UBE2G1: variants seen among roughly 807,000 people sequenced by gnomAD.
UBE2G1 encodes ubiquitin-conjugating enzyme E2 G1.
A neutral mutation model predicts 22.7 loss-of-function variants in UBE2G1; 5 were observed. That is an observed-to-expected ratio of 0.22 (90% CI 0.12 to 0.46). The LOEUF is 0.46. Ranked by LOEUF, UBE2G1 falls within the 20% of genes least tolerant of loss-of-function variation. The pLI, the probability that UBE2G1 is intolerant of heterozygous loss-of-function variation, is 0.99. For missense variants in UBE2G1, 88 were observed against 203.9 expected (o/e 0.43, Z 3.46); for synonymous variants, 74 against 67.5 (o/e 1.10, Z -0.47).
At chr17:4,280,059 G>T (rs140231030) in intron 5 of UBE2G1, among the ~76,000 whole-genome samples, 2,237 of 142,072 alleles carry the variant, frequency 0.016, 33 homozygotes, top group Non-Finnish European at 0.022. Context: ...TTTTTGAGAT[G>T]AAGTCTCACT....
At chr17:4,323,515 G>A (rs1969468169) in intron 1 of UBE2G1, among the ~76,000 whole-genome samples, 1 of 152,164 alleles carries the variant, frequency 6.6e-6, no homozygotes, top group Non-Finnish European at 1.5e-5. Context: ...GACCTCCAAA[G>A]TTTAGAGAAA....
chr17:4,342,890 G>C (rs749594898), intron 1 of UBE2G1, among the ~76,000 whole-genome samples: 3 of 152,062 alleles, frequency 2.0e-5, no homozygotes, highest in African/African-American at 4.8e-5. Context: ...CTGCTCCTCT[G>C]ACATTGCCAG....
At chr17:4,279,784 G>GC (rs1968862062) in intron 5 of UBE2G1, among the ~76,000 whole-genome samples, 6 of 66,472 alleles carry the variant, frequency 9.0e-5, no homozygotes, top group Non-Finnish European at 1.3e-4. Flanking sequence ...CCAAAAAAAA[G>GC]TTATATATAT....
intron 1 of UBE2G1, among the ~76,000 whole-genome samples, chr17:4,318,454 C>A (rs1245552664): frequency 6.6e-6 from 1 of 152,058 alleles, no homozygotes; most frequent in South Asian, 2.1e-4. Flanking sequence ...TGCCAATAGC[C>A]GCAATTCAAG....
chr17:4,339,091 T>C lies in UBE2G1; in HGVS notation c.46+27180A>G, dbSNP rs116518818. On this transcript the variant is annotated intron_variant, in intron 1 of 5. Transcript: ENST00000396981. The stretch of plus-strand genomic sequence containing the variant: ...GAATGTATATTACATTTTATGAAAA[T>C]TTTTCAACAACAGTAACAACGAACG... Among the ~76,000 whole-genome samples, 933 of 151,282 alleles carry C rather than the reference T, an allele frequency of 6.2e-3. 6 individuals are homozygous for C. The highest frequency in any genetic ancestry group is 0.021 in the African/African-American group (868 of 41,510).
intron 5 of UBE2G1, among the ~76,000 whole-genome samples, chr17:4,280,642 C>CTT (rs1232677197): frequency 5.1e-5 from 7 of 137,086 alleles, no homozygotes; most frequent in African/African-American, 1.3e-4. Flanking sequence ...GGCTGGGAAT[C>CTT]TTTTTTTTTT....
At chr17:4,340,910 AAAC>A (rs957120187) in intron 1 of UBE2G1, among the ~76,000 whole-genome samples, 14 of 150,746 alleles carry the variant, frequency 9.3e-5, no homozygotes, top group African/African-American at 2.5e-4. Context: ...AAAAAAAAAA[AAAC>A]AAAACCTTCA....
At position 4,338,439 on chromosome 17, in the gene UBE2G1, A is replaced by T. The variant is rs187830584; in HGVS notation, c.46+27832T>A. Among the ~76,000 whole-genome samples, 7 of 152,328 alleles carry T rather than the reference A, an allele frequency of 4.6e-5. No individual in the cohort carries two copies. In the East Asian group the frequency reaches 1.3e-3, roughly 29 times the overall value. ...AACAGAATTAGAAAACACTCCAATA[A>T]CTTCCGAAGATTCGCATAAGTTACA... On this transcript the variant is annotated intron_variant, in intron 1 of 5. Transcript: ENST00000396981.
chr17:4,273,485 C>T (rs1286402287), intron 5 of UBE2G1, among the ~76,000 whole-genome samples: 1 of 152,090 alleles, frequency 6.6e-6, no homozygotes, highest in Admixed American at 6.6e-5. Flanking sequence ...GGACCACAGG[C>T]ACACACCACC....
chr17:4,366,254 G>A lies in UBE2G1; in HGVS notation c.46+17C>T, dbSNP rs1358596941. ...CGATCGCGGCCGGGCCCGGCGCCCC[G>A]CCGCCCGCCTGCTCACCTGCCAGCT... On this transcript the variant is annotated intron_variant, in intron 1 of 5. Transcript: ENST00000396981. 2.0e-6 allele frequency: 3 copies of A among 1,534,730 alleles called. No individual in the cohort carries two copies. The Admixed American group carries it at 5.8e-5, about 30-fold the overall frequency.
chr17:4,325,851 T>C (rs1056847918), intron 1 of UBE2G1, among the ~76,000 whole-genome samples: 2 of 152,178 alleles, frequency 1.3e-5, no homozygotes, highest in African/African-American at 4.8e-5. Context: ...CAAGGTTGAC[T>C]AGACCGCTCA....
chr17:4,334,398 C>G (rs1969620639), intron 1 of UBE2G1, among the ~76,000 whole-genome samples: 1 of 152,108 alleles, frequency 6.6e-6, no homozygotes, highest in Non-Finnish European at 1.5e-5. Flanking sequence ...TATCTCTAAG[C>G]CTGCTTTTCT....
intron 1 of UBE2G1, among the ~76,000 whole-genome samples, chr17:4,314,823 G>A (rs1969347929): frequency 6.6e-6 from 1 of 152,162 alleles, no homozygotes; most frequent in South Asian, 2.1e-4. Context: ...AGAGAAACAT[G>A]TTCAAGGACA....
intron 1 of UBE2G1, among the ~76,000 whole-genome samples, chr17:4,345,973 A>T (rs192927776): frequency 7.2e-5 from 11 of 152,344 alleles, no homozygotes; most frequent in African/African-American, 2.4e-4. Context: ...GAATAATTCA[A>T]GATTGCACTT....
At chr17:4,335,954 T>C (rs8064744) in intron 1 of UBE2G1, among the ~76,000 whole-genome samples, 196 of 152,278 alleles carry the variant, frequency 1.3e-3, no homozygotes, top group African/African-American at 4.5e-3. Flanking sequence ...GAGACCAGCC[T>C]GGCCAACATG....
chr17:4,319,939 C>T (rs1969419235), intron 1 of UBE2G1, among the ~76,000 whole-genome samples: 1 of 151,784 alleles, frequency 6.6e-6, no homozygotes, highest in Non-Finnish European at 1.5e-5. Flanking sequence ...TAAATAAAAC[C>T]AAACCACCAT....
intron 1 of UBE2G1, among the ~76,000 whole-genome samples, chr17:4,342,041 T>G (rs1464184106): frequency 2.6e-5 from 4 of 152,230 alleles, no homozygotes; most frequent in African/African-American, 9.6e-5. Flanking sequence ...TCCAACTTCA[T>G]AGTTTATATG....
chr17:4,339,670 G>A (rs1304974289), intron 1 of UBE2G1, among the ~76,000 whole-genome samples: 1 of 152,016 alleles, frequency 6.6e-6, no homozygotes, highest in East Asian at 1.9e-4. Context: ...TGACCAACAT[G>A]GAAAAACCAT....
At chr17:4,339,336 C>T (rs560276645) in intron 1 of UBE2G1, among the ~76,000 whole-genome samples, 2 of 151,676 alleles carry the variant, frequency 1.3e-5, no homozygotes, top group Admixed American at 6.6e-5. Flanking sequence ...CGGAATTTCA[C>T]TCTTGTTGCC....
Sources: allele counts gnomAD v4.1 joint callset (sites outside exome capture counted in the v4.1 genomes callset), GRCh38; gene constraint gnomAD v4.1.1; transcripts MANE v1.5; gene names NCBI Gene and HGNC (gene_info 2026-07-23, HGNC 2026-07-21).